The following PUDP variants were observed in gnomAD, a reference collection of about 807,000 sequenced individuals.
PUDP encodes the protein pseudouridine-5'-phosphatase.
A neutral mutation model predicts 9.4 loss-of-function variants in PUDP; 8 were observed. The observed-to-expected ratio is 0.85, with a 90% CI of 0.50 to 1.53. The LOEUF (loss-of-function observed/expected upper bound fraction) is 1.53. Ranked by LOEUF, PUDP falls within the 40% of genes most tolerant of loss-of-function variation. PUDP has a pLI of 0.00. For missense variants in PUDP, 188 were observed against 189.7 expected (o/e 0.99, Z 0.05); for synonymous variants, 99 against 80.7 (o/e 1.23, Z -1.22).
chrX:6,810,754 A>G (rs1029929385), intron 3 of PUDP, among the ~76,000 whole-genome samples: 8 of 111,625 alleles, frequency 7.2e-5, no homozygotes, highest in African/African-American at 2.6e-4. Flanking sequence ...GAAGGCAGAA[A>G]GAAGGAAAAT....
chrX:6,867,814 G>C, intron 3 of PUDP, among the ~76,000 whole-genome samples: 1 of 111,542 alleles, frequency 9.0e-6, no homozygotes, highest in Non-Finnish European at 1.9e-5. Flanking sequence ...TTTGGCTTAT[G>C]GTTCTGGAGA....
chrX:6,771,350 C>T (rs1925360981), intron 3 of PUDP, among the ~76,000 whole-genome samples: 1 of 112,220 alleles, frequency 8.9e-6, no homozygotes, highest in Non-Finnish European at 1.9e-5. Flanking sequence ...TTGAAGACTA[C>T]CCCAAACACC....
chrX:7,120,174 T>C (rs1932303173), intron 1 of PUDP, among the ~76,000 whole-genome samples: 1 of 111,884 alleles, frequency 8.9e-6, no homozygotes, highest in Non-Finnish European at 1.9e-5. Context: ...CCCCCAAAGA[T>C]GTCCAAGTCC....
intron 3 of PUDP, among the ~76,000 whole-genome samples, chrX:6,736,716 C>G (rs907931871): frequency 8.1e-5 from 9 of 111,381 alleles, no homozygotes; most frequent in African/African-American, 2.6e-4. Flanking sequence ...ATGGATGGAG[C>G]TGGAGGCCAT....
At chrX:6,781,322 G>A (rs139619727) in intron 3 of PUDP, among the ~76,000 whole-genome samples, 418 of 111,581 alleles carry the variant, frequency 3.7e-3, no homozygotes, top group African/African-American at 0.012. Context: ...CAAGGGATAC[G>A]CATCTAAAAG....
At chrX:6,938,895 C>A (rs1227819059) in intron 3 of PUDP, among the ~76,000 whole-genome samples, 1 of 107,518 alleles carries the variant, frequency 9.3e-6, no homozygotes, top group Admixed American at 1.0e-4. Flanking sequence ...TTCCTAAGCA[C>A]AATTATCCAT....
At chrX:7,117,060 C>T (rs1232031320) in intron 1 of PUDP, 25 of 1,162,529 alleles carry the variant, frequency 2.2e-5, no homozygotes, top group African/African-American at 1.1e-4. Flanking sequence ...CCAATTAAAC[C>T]GTTGTTCTTC....
At chrX:6,915,038 A>G (rs1330244454) in intron 3 of PUDP, among the ~76,000 whole-genome samples, 1 of 112,430 alleles carries the variant, frequency 8.9e-6, no homozygotes, top group East Asian at 2.8e-4. Flanking sequence ...ACATTTTTAA[A>G]AAATGTCATT....
At chrX:7,141,487 A>G (rs1932795280) in intron 1 of PUDP, among the ~76,000 whole-genome samples, 1 of 113,088 alleles carries the variant, frequency 8.8e-6, no homozygotes, top group African/African-American at 3.2e-5. Flanking sequence ...GCTGCAGAAG[A>G]AAAGTCTGAA....
chrX:6,792,336 T>G (rs1046780345), intron 3 of PUDP, among the ~76,000 whole-genome samples: 6 of 109,569 alleles, frequency 5.5e-5, no homozygotes, highest in African/African-American at 2.0e-4. Flanking sequence ...GCTAATTTTA[T>G]TTTATAATGA....
chrX:6,836,754 T>A (rs1273322438), intron 3 of PUDP, among the ~76,000 whole-genome samples: 1 of 112,278 alleles, frequency 8.9e-6, no homozygotes, highest in Non-Finnish European at 1.9e-5. Context: ...AAGTTCCTTT[T>A]GTCGTGTAAG....
At chrX:6,760,249 C>T (rs2146674463) in intron 3 of PUDP, among the ~76,000 whole-genome samples, 1 of 111,626 alleles carries the variant, frequency 9.0e-6, no homozygotes, top group Admixed American at 9.5e-5. Context: ...ATCTGTCAGC[C>T]ATTCTCTGGG....
At chrX:6,843,355 G>A (rs936970901) in intron 3 of PUDP, among the ~76,000 whole-genome samples, 1 of 111,589 alleles carries the variant, frequency 9.0e-6, no homozygotes, top group Admixed American at 9.5e-5. Flanking sequence ...CCTGATAACT[G>A]AAAACTCAGT....
At chrX:6,856,951 A>C (rs1330405353) in intron 3 of PUDP, among the ~76,000 whole-genome samples, 1 of 112,396 alleles carries the variant, frequency 8.9e-6, no homozygotes, top group African/African-American at 3.2e-5. Context: ...TGAAATTTGT[A>C]TATACCTTGT....
At chrX:6,864,069 T>G (rs1927043450) in intron 3 of PUDP, among the ~76,000 whole-genome samples, 1 of 111,314 alleles carries the variant, frequency 9.0e-6, no homozygotes, top group Non-Finnish European at 1.9e-5. Flanking sequence ...GCCACCATAT[T>G]GGGTCATTCA....
At position 6,848,042 on chromosome X, in the gene PUDP, T is replaced by C. The variant is rs1926774268; in HGVS notation, c.*247+129091A>G. Among the ~76,000 whole-genome samples the C allele has an allele frequency of 1.8e-5, 2 of 112,131 alleles. 1 individual carries two copies. The highest frequency in any genetic ancestry group is 3.8e-5 in the Non-Finnish European group (2 of 53,241). On this transcript the variant is annotated intron_variant and NMD_transcript_variant, in intron 3 of 3. Transcript: ENST00000655425. ...GTTTAGGAGTCGGGTCTGAATCCCG[T>C]GCATGTGCTTTCTACCTTGCCTCAT...
intron 3 of PUDP, among the ~76,000 whole-genome samples, chrX:6,773,619 G>A (rs188373823): frequency 1.8e-5 from 2 of 111,284 alleles, no homozygotes; most frequent in East Asian, 5.7e-4. Context: ...CAACACCAGA[G>A]GCAAAGCTTG....
chrX:7,091,740 G>A (rs1197834726), intron 2 of PUDP, among the ~76,000 whole-genome samples: 1 of 111,848 alleles, frequency 8.9e-6, no homozygotes, highest in African/African-American at 3.3e-5. Context: ...TTGATTTTGT[G>A]TCTTCTTTGA....
chrX:6,999,822 A>G (rs971012080), intron 1 of PUDP, among the ~76,000 whole-genome samples: 5 of 110,036 alleles, frequency 4.5e-5, no homozygotes, highest in South Asian at 3.8e-4. Flanking sequence ...ATTAAAAAAA[A>G]AACCCTCAAC....
Sources: allele counts gnomAD v4.1 joint callset (sites outside exome capture counted in the v4.1 genomes callset), GRCh38; gene constraint gnomAD v4.1.1; transcripts MANE v1.5; gene names NCBI Gene and HGNC (gene_info 2026-07-23, HGNC 2026-07-21).